Variants in DSG1 observed in about 807,000 individuals in gnomAD.
DSG1 encodes desmoglein-1.
A neutral mutation model predicts 97.5 loss-of-function variants in DSG1; 39 were observed. The observed-to-expected ratio is 0.40, with a 90% CI of 0.31 to 0.52. The LOEUF is 0.52. Among genes scored for constraint, DSG1 ranks in the 20% least tolerant of loss-of-function variants. DSG1 has a pLI of 0.53. For synonymous variants in DSG1, 475 were observed against 443.4 expected (o/e 1.07, Z -0.90); for missense variants, 1,311 against 1,295.4 (o/e 1.01, Z -0.18).
At position 31,330,008 on chromosome 18, in the gene DSG1, A is replaced by G; in HGVS notation, c.489A>G (p.Ala163=). ...CAGTGTTTTCAATGGCTACATTTGC[A>G]GGACAAATAGAAGAAAATTCTAATG... ...NPPVFSMATF[A]GQIEENSNAN... Residue 163 remains alanine, a synonymous_variant, in exon 5 of 15, where the codon GCA becomes GCG. Transcript: ENST00000257192. The G allele has an allele frequency of 6.2e-7, 1 of 1,613,252 alleles. No individual in the cohort carries two copies.
chr18:31,323,738 C>G (rs1470758326), intron 1 of DSG1, among the ~76,000 whole-genome samples: 1 of 152,100 alleles, frequency 6.6e-6, no homozygotes, highest in Admixed American at 6.6e-5. Context: ...CTCTCATTTC[C>G]TAATCCCTTG....
intron 1 of DSG1, among the ~76,000 whole-genome samples, chr18:31,320,296 A>G (rs948751303): frequency 1.2e-4 from 19 of 152,302 alleles, no homozygotes; most frequent in Admixed American, 5.2e-4. Flanking sequence ...AAAAATGAAA[A>G]AAAATTTATG....
At chr18:31,335,601 A>G (rs1421242957) in intron 8 of DSG1, among the ~76,000 whole-genome samples, 1 of 151,670 alleles carries the variant, frequency 6.6e-6, no homozygotes, top group African/African-American at 2.4e-5. Context: ...CCAATATTAG[A>G]ACAAAGATTC....
intron 14 of DSG1, chr18:31,347,521 G>C (rs1486718493): frequency 1.3e-5 from 2 of 152,166 alleles, no homozygotes; most frequent in Non-Finnish European, 2.9e-5. Flanking sequence ...AAACACAGAG[G>C]GTCTGGCAAA....
rs777751796 is a variant in DSG1, at chr18:31,331,851, A to G, written c.668A>G (p.Asn223Ser). ...RNTGEIRTMN[N>S]FLDREQYGQY... ...ACTGGAGAAATTCGAACGATGAATAATTTTCTAGACAGAGAGGTAATTCTT... is the reference window on the plus strand; with the variant it reads ...ACTGGAGAAATTCGAACGATGAATAGTTTTCTAGACAGAGAGGTAATTCTT... The change falls in exon 6 of 15, where the codon AAT (asparagine) becomes AGT (serine). Residue 223 changes from asparagine (N) to serine (S), a missense_variant. Asn to Ser is a conservative substitution (Grantham distance 46). This residue lies in a region of DSG1 where 259 missense variants were observed against 304.1 expected (regional missense o/e 0.85). Transcript: ENST00000257192. The G allele has an allele frequency of 3.1e-6, 5 of 1,612,250 alleles. No individual in the cohort carries two copies. In the Admixed American group the frequency reaches 6.7e-5, roughly 22 times the overall value.
chr18:31,328,768 A>C (rs1387069266), intron 4 of DSG1, among the ~76,000 whole-genome samples: 1 of 151,982 alleles, frequency 6.6e-6, no homozygotes, highest in East Asian at 1.9e-4. Context: ...TTTTAGGTCT[A>C]ATGACAAGTA....
chr18:31,328,265 G>A lies in DSG1; in HGVS notation c.293G>A (p.Gly98Glu), dbSNP rs752467784. ...SGVGIDQPPY[G>E]IFVINQKTGE... ...GTAGGAATTGATCAGCCACCATATG[G>A]GATCTTTGTCATTAATCAGAAAACT... Residue 98 changes from glycine to glutamate, a missense_variant, in exon 4 of 15, where the codon GGG (glycine) becomes GAG (glutamate). Gly to Glu is a moderately conservative substitution (Grantham distance 98). Around this residue, in one of 3 missense-constraint regions of DSG1, gnomAD observed 259 missense variants for 304.1 expected, o/e 0.85. Transcript: ENST00000257192. The A allele has an allele frequency of 6.2e-7, 1 of 1,613,464 alleles. No individual in the cohort carries two copies.
chr18:31,332,328 T>C lies in DSG1; in HGVS notation c.684+461T>C, dbSNP rs533217387. ...TTTAACCTAGCATATCTAAGCTCCATTGACAACAGAATTCTTGTTTTTCCT... is the reference window on the plus strand; with the variant it reads ...TTTAACCTAGCATATCTAAGCTCCACTGACAACAGAATTCTTGTTTTTCCT... On this transcript the variant is annotated intron_variant, in intron 6 of 14. Transcript: ENST00000257192. 4.6e-5 allele frequency among the ~76,000 whole-genome samples: 7 copies of C among 152,254 alleles called. No homozygotes were observed. In the East Asian group the frequency reaches 1.2e-3, roughly 25 times the overall value.
intron 8 of DSG1, 25 bp from the exon 9 acceptor site, chr18:31,336,329 A>G: frequency 1.2e-6 from 2 of 1,600,236 alleles, no homozygotes; most frequent in African/African-American, 1.3e-5. Context: ...CTTATAATGA[A>G]ACTATTTTAC....
At chr18:31,350,665 A>C (rs1281479487) in intron 14 of DSG1, among the ~76,000 whole-genome samples, 2 of 146,454 alleles carry the variant, frequency 1.4e-5, no homozygotes, top group Non-Finnish European at 3.0e-5. Context: ...TGGTCTATTC[A>C]GAGATTCAAC....
At chr18:31,352,842 T>C (rs1910067650) in intron 14 of DSG1, among the ~76,000 whole-genome samples, 2 of 137,282 alleles carry the variant, frequency 1.5e-5, no homozygotes, top group Non-Finnish European at 3.1e-5. Context: ...AGCACTTCTC[T>C]GTATTGGTTA....
rs767747193 is a variant in DSG1, at chr18:31,354,758, C to T, written c.2562C>T (p.His854=). Residue 854 remains histidine (H), a synonymous_variant, in exon 15 of 15, where the codon CAC becomes CAT. Coordinates refer to ENST00000257192, the MANE Select transcript of DSG1 (RefSeq NM_001942.4). ...CTCTGAAGCCCTCTGTGCACGTTCA[C>T]GATAACCGACCAGCATCAAACGTGG... ...SDTLKPSVHV[H]DNRPASNVVV... 22 of 1,614,054 alleles carry T rather than the reference C, an allele frequency of 1.4e-5. No individual in the cohort carries two copies. Among genetic ancestry groups the T allele is most frequent in the African/African-American group, 9.3e-5 (7 of 74,930 alleles).
chr18:31,329,845 A>C (rs371199924), intron 4 of DSG1, 47 bp from the exon 5 acceptor site: 1 of 1,603,318 alleles, frequency 6.2e-7, no homozygotes, highest in Non-Finnish European at 8.5e-7. Context: ...GTAAGAACTT[A>C]ATAAATCTGT....
intron 6 of DSG1, among the ~76,000 whole-genome samples, chr18:31,332,490 CA>C (rs1329053774): frequency 6.6e-6 from 1 of 151,988 alleles, no homozygotes; most frequent in Non-Finnish European, 1.5e-5. Context: ...GTGATGTTAA[CA>C]GAGTAAAATC....
At chr18:31,342,871 G>A (rs2071798490) in intron 11 of DSG1, among the ~76,000 whole-genome samples, 4 of 150,930 alleles carry the variant, frequency 2.7e-5, no homozygotes, top group African/African-American at 2.4e-5. Context: ...AAGATTAATC[G>A]GTTTTAATAA....
chr18:31,340,527 G>A (rs1477156200), intron 11 of DSG1, among the ~76,000 whole-genome samples: 23 of 149,546 alleles, frequency 1.5e-4, no homozygotes, highest in Non-Finnish European at 3.1e-4. Context: ...AGAAGTGCTT[G>A]AACCCAGGAG....
In DSG1 at chr18:31,358,027, T is replaced by A. The variant is rs1002033375; in HGVS notation, c.*2681T>A. Reference sequence around the variant, plus strand: ...TGTTTACTCTAGATCATATACATCATGTCATAGACCAAGAAGAGATATGGA... The same window carrying A: ...TGTTTACTCTAGATCATATACATCAAGTCATAGACCAAGAAGAGATATGGA... On this transcript the variant is annotated 3_prime_UTR_variant, in exon 15 of 15. Coordinates refer to ENST00000257192, the MANE Select transcript of DSG1 (RefSeq NM_001942.4). Among the ~76,000 whole-genome samples, 9 of 152,042 alleles carry A rather than the reference T, an allele frequency of 5.9e-5. No individual in the cohort carries two copies.
chr18:31,346,494 C>G (rs781568010), intron 14 of DSG1, among the ~76,000 whole-genome samples: 3 of 152,182 alleles, frequency 2.0e-5, no homozygotes, highest in Non-Finnish European at 4.4e-5. Flanking sequence ...AACCCTCCCT[C>G]TTATCTCCAA....
At chr18:31,344,217 T>G (rs1204517002) in intron 13 of DSG1, among the ~76,000 whole-genome samples, 2 of 152,208 alleles carry the variant, frequency 1.3e-5, no homozygotes, top group African/African-American at 4.8e-5. Flanking sequence ...CAAAGAGTAC[T>G]TAGAAGATGT....
Sources: allele counts gnomAD v4.1 joint callset (sites outside exome capture counted in the v4.1 genomes callset), GRCh38; gene constraint gnomAD v4.1.1; regional missense constraint gnomAD v4.1.1; transcripts MANE v1.5; gene names NCBI Gene and HGNC (gene_info 2026-07-23, HGNC 2026-07-21).